Variants in OSBPL10 observed in about 807,000 individuals in gnomAD.
OSBPL10 encodes the protein oxysterol binding protein like 10.
Under a neutral mutation model 81.7 loss-of-function variants are expected in OSBPL10, and 49 were observed. The ratio of observed to expected loss-of-function variants is 0.60; its 90% confidence interval spans 0.48 to 0.76. OSBPL10 has a LOEUF of 0.76. Among genes scored for constraint, OSBPL10 ranks in the 30% least tolerant of loss-of-function variants. The pLI is 0.00. For synonymous variants in OSBPL10, 419 were observed against 383.6 expected (o/e 1.09, Z -1.08); for missense variants, 923 against 987.8 (o/e 0.93, Z 0.88).
At chr3:32,045,418 A>C (rs1262695157) in intron 2 of OSBPL10, among the ~76,000 whole-genome samples, 1 of 152,252 alleles carries the variant, frequency 6.6e-6, no homozygotes, top group Non-Finnish European at 1.5e-5. Flanking sequence ...CTAACAGATC[A>C]GTTTACAAAA....
At chr3:31,826,099 T>C (rs568410195) in intron 4 of OSBPL10, among the ~76,000 whole-genome samples, 4 of 152,334 alleles carry the variant, frequency 2.6e-5, no homozygotes, top group Admixed American at 2.6e-4. Flanking sequence ...TTCTTCCTCC[T>C]AGCCCCAGTT....
At chr3:31,744,411 A>G (rs1697454688) in intron 5 of OSBPL10, among the ~76,000 whole-genome samples, 1 of 151,882 alleles carries the variant, frequency 6.6e-6, no homozygotes, top group Non-Finnish European at 1.5e-5. Context: ...CATGGTGGGC[A>G]CCTGTAATCC....
At chr3:31,739,852 C>A (rs924230052) in intron 5 of OSBPL10, among the ~76,000 whole-genome samples, 1 of 152,216 alleles carries the variant, frequency 6.6e-6, no homozygotes, top group East Asian at 1.9e-4. Flanking sequence ...ATATTTTGTT[C>A]ATTATCAATT....
At chr3:31,686,387 T>C (rs1320280683) in intron 7 of OSBPL10, among the ~76,000 whole-genome samples, 1 of 152,168 alleles carries the variant, frequency 6.6e-6, no homozygotes, top group East Asian at 1.9e-4. Flanking sequence ...GCTTGGTAGA[T>C]CTCCTTTAAT....
At chr3:31,850,111 G>C (rs1204059884) in intron 3 of OSBPL10, among the ~76,000 whole-genome samples, 1 of 152,144 alleles carries the variant, frequency 6.6e-6, no homozygotes. Context: ...GTTGCAGTGA[G>C]CCGAGGTCAC....
At chr3:31,775,369 G>T (rs369173059) in intron 4 of OSBPL10, among the ~76,000 whole-genome samples, 1 of 152,184 alleles carries the variant, frequency 6.6e-6, no homozygotes, top group East Asian at 1.9e-4. Flanking sequence ...GTTTCCAGGG[G>T]AAAGAGGATA....
chr3:31,814,765 G>C (rs1019867137), intron 4 of OSBPL10, among the ~76,000 whole-genome samples: 1 of 152,142 alleles, frequency 6.6e-6, no homozygotes, highest in East Asian at 1.9e-4. Flanking sequence ...GTTGTACAGC[G>C]TATTAATAGA....
chr3:31,956,715 C>T (rs1016155595), intron 1 of OSBPL10, among the ~76,000 whole-genome samples: 8 of 150,144 alleles, frequency 5.3e-5, no homozygotes, highest in South Asian at 4.3e-4. Context: ...GCGACAAGAG[C>T]GAAACTCCGT....
chr3:31,839,425 A>C (rs1700439001), intron 3 of OSBPL10, among the ~76,000 whole-genome samples: 1 of 152,200 alleles, frequency 6.6e-6, no homozygotes, highest in South Asian at 2.1e-4. Context: ...CTGTCCTCAC[A>C]GAAATGGCAT....
At chr3:31,708,087 T>G (rs373819037) in intron 6 of OSBPL10, among the ~76,000 whole-genome samples, 1 of 152,124 alleles carries the variant, frequency 6.6e-6, no homozygotes, top group East Asian at 1.9e-4. Context: ...TTTTCAGGTC[T>G]TCAGTTAAAA....
intron 2 of OSBPL10, among the ~76,000 whole-genome samples, chr3:32,026,057 T>TGATAGATA (rs11385805): frequency 0.012 from 1,329 of 111,234 alleles, 16 homozygotes; most frequent in African/African-American, 0.021. Context: ...GATAGATAGA[T>TGATAGATA]GATAGATAGA....
intron 5 of OSBPL10, among the ~76,000 whole-genome samples, chr3:31,734,693 A>G (rs1198788430): frequency 2.0e-5 from 3 of 152,106 alleles, no homozygotes; most frequent in Non-Finnish European, 2.9e-5. Context: ...AACCCAAATC[A>G]TGCCACTGCA....
intron 1 of OSBPL10, among the ~76,000 whole-genome samples, chr3:31,923,035 G>A (rs1696963276): frequency 6.6e-6 from 1 of 152,098 alleles, no homozygotes; most frequent in South Asian, 2.1e-4. Flanking sequence ...GAAAGAAAAC[G>A]CTCATCTGAA....
rs553353711 is a variant in OSBPL10 at position 32,073,762 on chromosome 3, T to A, written n.185+3634A>T. ...CTACTCATAAATGACCTGCTCTTGT[T>A]TACACTGCCGGTTTACATTGTTTCT... is the stretch of plus-strand genomic sequence containing the variant. On this transcript the variant is annotated intron_variant and non_coding_transcript_variant, in intron 1 of 3. Coordinates refer to the OSBPL10 transcript ENST00000479173. 2.0e-5 allele frequency among the ~76,000 whole-genome samples: 3 copies of A among 152,244 alleles called. No homozygotes were observed. In the East Asian group the frequency reaches 5.8e-4, roughly 29 times the overall value.
At chr3:31,767,641 T>C (rs1030106299) in intron 4 of OSBPL10, among the ~76,000 whole-genome samples, 3 of 152,140 alleles carry the variant, frequency 2.0e-5, no homozygotes, top group African/African-American at 7.2e-5. Context: ...TGTAAGGCCT[T>C]GAGGTCTGGG....
intron 3 of OSBPL10, among the ~76,000 whole-genome samples, chr3:31,846,916 A>AGG (rs1700648478): frequency 6.6e-6 from 1 of 152,092 alleles, no homozygotes. Context: ...CCCAACTATG[A>AGG]GTGAACCCCA....
intron 6 of OSBPL10, among the ~76,000 whole-genome samples, chr3:31,705,322 C>A (rs937678944): frequency 2.0e-5 from 3 of 152,092 alleles, no homozygotes; most frequent in African/African-American, 4.8e-5. Context: ...TCTTAGAGGA[C>A]ACTTTCAATC....
Position 31,840,148 on chromosome 3 carries a change from G to A in OSBPL10, c.538-9917C>T, listed in dbSNP as rs576158422. The stretch of plus-strand genomic sequence containing the variant: ...GAATCATAGAACAAAAGGCGAGTGC[G>A]TGCTGAGGAATTCTATAAATGATCA... On this transcript the variant is annotated intron_variant, in intron 3 of 11. Coordinates refer to ENST00000396556, the MANE Select transcript of OSBPL10 (RefSeq NM_017784.5). Among the ~76,000 whole-genome samples the A allele has an allele frequency of 3.2e-4, 48 of 152,034 alleles. 1 individual carries two copies. The highest frequency in any genetic ancestry group is 3.4e-3 in the Middle Eastern group (1 of 294).
chr3:31,894,201 G>A lies in OSBPL10; in HGVS notation c.282-14371C>T, dbSNP rs937943881. 2.6e-5 allele frequency among the ~76,000 whole-genome samples: 4 copies of A among 152,162 alleles called. No homozygotes were observed. In the South Asian group the frequency reaches 6.2e-4, roughly 24 times the overall value. ...TTGGATGGATGAATCTGGAGCCCAG[G>A]AGCGGTCGGAGTTGGAGATGTGAAT... On this transcript the variant is annotated intron_variant, in intron 1 of 11. Coordinates refer to ENST00000396556, the MANE Select transcript of OSBPL10 (RefSeq NM_017784.5).
Sources: gnomAD v4.1 joint callset for allele counts (sites outside exome capture counted in the v4.1 genomes callset) on GRCh38, gnomAD v4.1.1 for gene constraint, MANE v1.5 for transcripts, NCBI Gene and HGNC (gene_info 2026-07-23, HGNC 2026-07-21) for gene names.